The following RBFOX3 variants were observed in gnomAD, a reference collection of about 807,000 sequenced individuals.
RBFOX3 encodes RNA binding protein fox-1 homolog 3.
RBFOX3 carries 17 observed loss-of-function variants against 48.7 expected under a neutral mutation model. The observed-to-expected ratio is 0.35, with a 90% CI of 0.24 to 0.52. The LOEUF is 0.52. RBFOX3 is among the 20% of genes least tolerant of loss of function. RBFOX3 has a pLI of 0.94. For synonymous variants in RBFOX3, 212 were observed against 209.5 expected (o/e 1.01, Z -0.10); for missense variants, 382 against 497.5 (o/e 0.77, Z 2.21).
rs1159727711 is a variant in RBFOX3 at position 79,535,669 on chromosome 17, C to T, written c.-319-53071G>A. Among the ~76,000 whole-genome samples, 2 of 152,172 alleles carry T rather than the reference C, an allele frequency of 1.3e-5. No individual in the cohort carries two copies. The highest frequency in any genetic ancestry group is 2.9e-5 in the Non-Finnish European group (2 of 68,028). On this transcript the variant is annotated intron_variant, in intron 1 of 14. Transcript: ENST00000693108. The surrounding 1 kb of genome is among the most constrained non-coding windows in gnomAD (Gnocchi z 4.5). ...AGCCAGCCCACAAAGACACAGTATGCGCAGCCAGGCAAGGTTGCCTGTGTT... is the reference window on the plus strand; with the variant it reads ...AGCCAGCCCACAAAGACACAGTATGTGCAGCCAGGCAAGGTTGCCTGTGTT...
intron 1 of RBFOX3, among the ~76,000 whole-genome samples, chr17:79,597,068 G>A (rs913160146): frequency 4.6e-5 from 7 of 152,244 alleles, no homozygotes; most frequent in Non-Finnish European, 5.9e-5. Context: ...CTGGCCACAC[G>A]TAAGAAAGGA....
chr17:79,161,476 G>T (rs989280677), intron 4 of RBFOX3, among the ~76,000 whole-genome samples: 3 of 152,206 alleles, frequency 2.0e-5, no homozygotes, highest in Non-Finnish European at 4.4e-5. Flanking sequence ...AATACAATGC[G>T]TCTTCCTGCA....
At chr17:79,532,343 G>C (rs1403885015) in intron 1 of RBFOX3, among the ~76,000 whole-genome samples, 3 of 152,200 alleles carry the variant, frequency 2.0e-5, no homozygotes, top group African/African-American at 7.2e-5. Context: ...TGGCACAGAG[G>C]GGATTGAGGT....
At chr17:79,562,546 C>T (rs901978571) in intron 1 of RBFOX3, among the ~76,000 whole-genome samples, 27 of 152,138 alleles carry the variant, frequency 1.8e-4, no homozygotes, top group Non-Finnish European at 5.9e-5. Flanking sequence ...CATTTCACTC[C>T]GAATTAGTCT....
At chr17:79,276,161 G>A (rs2068767924) in intron 3 of RBFOX3, among the ~76,000 whole-genome samples, 1 of 152,202 alleles carries the variant, frequency 6.6e-6, no homozygotes, top group Non-Finnish European at 1.5e-5. Flanking sequence ...TGACACGTCT[G>A]GAGCAGAGCC....
intron 1 of RBFOX3, among the ~76,000 whole-genome samples, chr17:79,562,793 A>C (rs1346918198): frequency 2.0e-5 from 3 of 152,302 alleles, no homozygotes; most frequent in African/African-American, 7.2e-5. Flanking sequence ...CCAGCTCCAG[A>C]TAAAAGGAGC....
chr17:79,142,507 C>T (rs1294724404), intron 4 of RBFOX3, among the ~76,000 whole-genome samples: 1 of 152,172 alleles, frequency 6.6e-6, no homozygotes, highest in Non-Finnish European at 1.5e-5. Context: ...CCCAGCAGGA[C>T]TCACCAGGCC....
chr17:79,398,045 G>A (rs1052707205), intron 2 of RBFOX3, among the ~76,000 whole-genome samples: 4 of 152,158 alleles, frequency 2.6e-5, no homozygotes, highest in Non-Finnish European at 5.9e-5. Context: ...TTAAAGAGGA[G>A]GAAGACTCGG....
chr17:79,650,744 A>T, the RBFOX3 span, among the ~76,000 whole-genome samples: 1 of 152,042 alleles, frequency 6.6e-6, no homozygotes, highest in East Asian at 1.9e-4. Flanking sequence ...GACACTTAGG[A>T]GTCACAGTAG....
rs1481425004 is a variant in RBFOX3, at chr17:79,610,861, C to T, written c.-355G>A. On this transcript the variant is annotated 5_prime_UTR_variant, in exon 1 of 15. Transcript: ENST00000693108. Reference sequence around the variant, plus strand: ...CTCCCCGCGGCAGGTGACTGGGGGCCGGCGGCCATGCCCCGGCTGCATCCC... The same window carrying T: ...CTCCCCGCGGCAGGTGACTGGGGGCTGGCGGCCATGCCCCGGCTGCATCCC... Among the ~76,000 whole-genome samples, 7 of 151,728 alleles carry T rather than the reference C, an allele frequency of 4.6e-5. No homozygotes were observed. Among genetic ancestry groups the T allele is most frequent in the Non-Finnish European group, 1.0e-4 (7 of 67,890 alleles).
intron 2 of RBFOX3, among the ~76,000 whole-genome samples, chr17:79,397,305 A>T (rs916776592): frequency 2.6e-5 from 4 of 152,048 alleles, no homozygotes; most frequent in Non-Finnish European, 5.9e-5. Flanking sequence ...ACATGGTGAA[A>T]CCCTGTCTCT....
intron 1 of RBFOX3, among the ~76,000 whole-genome samples, chr17:79,590,789 G>C (rs899365266): frequency 6.6e-6 from 1 of 152,166 alleles, no homozygotes; most frequent in African/African-American, 2.4e-5. Context: ...GAACGAAAAG[G>C]AGAAAGCAAG....
intron 4 of RBFOX3, among the ~76,000 whole-genome samples, chr17:79,140,724 G>A (rs1025169160): frequency 1.3e-5 from 2 of 152,248 alleles, no homozygotes; most frequent in Admixed American, 6.5e-5. Flanking sequence ...ATGCCACCAT[G>A]CTGTCTAGAA....
chr17:79,425,335 G>GGCTTGTGT, intron 2 of RBFOX3, among the ~76,000 whole-genome samples: 2 of 152,286 alleles, frequency 1.3e-5, no homozygotes, highest in East Asian at 3.9e-4. Flanking sequence ...GCAGTGGGGA[G>GGCTTGTGT]GGCCTGGGGG....
chr17:79,329,433 C>T (rs772941036), intron 2 of RBFOX3, among the ~76,000 whole-genome samples: 35 of 152,252 alleles, frequency 2.3e-4, no homozygotes, highest in Non-Finnish European at 4.6e-4. Context: ...AAGTGGCTCC[C>T]CCAGCCTCTT....
At chr17:79,498,928 T>A (rs1240184988) in intron 1 of RBFOX3, among the ~76,000 whole-genome samples, 1 of 137,812 alleles carries the variant, frequency 7.3e-6, no homozygotes, top group Non-Finnish European at 1.6e-5. Context: ...ATCCATCCAC[T>A]CATCCATCCA....
chr17:79,145,705 G>A (rs1196479411), intron 4 of RBFOX3, among the ~76,000 whole-genome samples: 1 of 152,250 alleles, frequency 6.6e-6, no homozygotes, highest in African/African-American at 2.4e-5. Context: ...CCACAGGCAA[G>A]GCGTTCGGCA....
At chr17:79,505,124 A>G (rs971981787) in intron 1 of RBFOX3, among the ~76,000 whole-genome samples, 2 of 152,158 alleles carry the variant, frequency 1.3e-5, no homozygotes, top group Admixed American at 6.5e-5. Flanking sequence ...TGCCACCCAG[A>G]AGCTGCTTAA....
intron 2 of RBFOX3, among the ~76,000 whole-genome samples, chr17:79,365,748 C>T (rs1200716674): frequency 2.6e-5 from 4 of 152,246 alleles, no homozygotes; most frequent in Non-Finnish European, 5.9e-5. Context: ...TATGGGGACG[C>T]TGCTATCTGA....
Sources: allele counts gnomAD v4.1 joint callset (sites outside exome capture counted in the v4.1 genomes callset), GRCh38; gene constraint gnomAD v4.1.1; non-coding constraint Gnocchi (gnomAD v3.1); transcripts MANE v1.5; gene names NCBI Gene and HGNC (gene_info 2026-07-23, HGNC 2026-07-21).